UBE2G2: variants seen among roughly 807,000 people sequenced by gnomAD.
UBE2G2 encodes the protein ubiquitin conjugating enzyme E2 G2.
UBE2G2 carries 10 observed loss-of-function variants against 23.0 expected under a neutral mutation model. The ratio of observed to expected loss-of-function variants is 0.43; its 90% CI spans 0.27 to 0.74. The LOEUF is 0.74. UBE2G2 is among the 30% of genes least tolerant of loss of function. The pLI is 0.19. For synonymous variants in UBE2G2, 86 were observed against 81.3 expected, an observed-to-expected ratio of 1.06 and a Z score of -0.31; for missense variants, 150 against 218.3, an observed-to-expected ratio of 0.69 and a Z score of 1.97.
At chr21:44,799,765 T>C (rs1405886528) in intron 1 of UBE2G2, among the ~76,000 whole-genome samples, 1 of 152,250 alleles carries the variant, frequency 6.6e-6, no homozygotes, top group East Asian at 1.9e-4. Flanking sequence ...TTCCTTTGCA[T>C]TCACAACTTG....
At chr21:44,784,694 A>G (rs2082982027) in intron 3 of UBE2G2, among the ~76,000 whole-genome samples, 1 of 152,128 alleles carries the variant, frequency 6.6e-6, no homozygotes, top group Non-Finnish European at 1.5e-5. Flanking sequence ...GCAGCCTGGG[A>G]GCCCTCAAGC....
intron 1 of UBE2G2, among the ~76,000 whole-genome samples, chr21:44,791,092 C>T (rs556145935): frequency 6.6e-6 from 1 of 152,274 alleles, no homozygotes; most frequent in South Asian, 2.1e-4. Context: ...TTTGCCCCTG[C>T]CCTAGAGATC....
chr21:44,783,669 C>A (rs782147594), intron 3 of UBE2G2, among the ~76,000 whole-genome samples: 17 of 152,294 alleles, frequency 1.1e-4, no homozygotes, highest in Middle Eastern at 3.4e-3. Flanking sequence ...AAAGGCAAAT[C>A]TATAGTCAGA....
intron 3 of UBE2G2, among the ~76,000 whole-genome samples, chr21:44,784,131 G>A (rs555797963): frequency 6.6e-6 from 1 of 151,956 alleles, no homozygotes; most frequent in Admixed American, 6.5e-5. Context: ...ACTTCAGCCT[G>A]GGTGACAGAG....
intron 3 of UBE2G2, among the ~76,000 whole-genome samples, chr21:44,784,571 C>T (rs547799070): frequency 2.0e-5 from 3 of 152,202 alleles, no homozygotes; most frequent in Non-Finnish European, 4.4e-5. Flanking sequence ...ATAATACTGC[C>T]AAGAGATGCC....
At position 44,773,574 on chromosome 21, in the gene UBE2G2, G is replaced by A; in HGVS notation, c.358C>T (p.Leu120=). Reference sequence around the variant, plus strand: ...GCCAGCATGCTCACCACCGACAGCAGGATCTTCTCCACACTCTGCACAGGA... The same window carrying A: ...GCCAGCATGCTCACCACCGACAGCAAGATCTTCTCCACACTCTGCACAGGA... ...WSPVQSVEKI[L]LSVVSMLAEP... Residue 120 remains leucine, a synonymous_variant, in exon 5 of 6, where the codon CTG becomes TTG. Coordinates refer to ENST00000345496, the MANE Select transcript of UBE2G2 (RefSeq NM_003343.6). The A allele has an allele frequency of 6.2e-7, 1 of 1,610,606 alleles. No homozygotes were observed. Among genetic ancestry groups the A allele is most frequent in the Non-Finnish European group, 8.5e-7 (1 of 1,179,902 alleles).
intron 4 of UBE2G2, chr21:44,774,764 C>T: frequency 2.2e-6 from 1 of 455,652 alleles, no homozygotes; most frequent in Non-Finnish European, 4.4e-6. Flanking sequence ...TCCACAAAAT[C>T]AGGAAGTTTC....
At chr21:44,790,997 GTGGTC>G (rs1180021101) in intron 1 of UBE2G2, among the ~76,000 whole-genome samples, 2 of 152,158 alleles carry the variant, frequency 1.3e-5, no homozygotes, top group African/African-American at 4.8e-5. Flanking sequence ...CCAGGCTGAG[GTGGTC>G]TGAAAAAGAG....
intron 1 of UBE2G2, among the ~76,000 whole-genome samples, chr21:44,788,856 C>T (rs927603309): frequency 6.7e-6 from 1 of 150,226 alleles, no homozygotes; most frequent in African/African-American, 2.4e-5. Context: ...TTTGAAGAGA[C>T]AGAAAATTAA....
At chr21:44,800,392 A>T (rs920687472) in intron 1 of UBE2G2, 2 of 145,192 alleles carry the variant, frequency 1.4e-5, no homozygotes. Flanking sequence ...TGAAAAAAAT[A>T]ACAATAAAAA....
At chr21:44,779,435 G>C (rs113823719) in intron 3 of UBE2G2, among the ~76,000 whole-genome samples, 2 of 151,676 alleles carry the variant, frequency 1.3e-5, no homozygotes, top group Non-Finnish European at 2.9e-5. Context: ...GAACGCCACC[G>C]AGGGAGGCAC....
intron 1 of UBE2G2, among the ~76,000 whole-genome samples, chr21:44,794,950 G>A (rs1312473300): frequency 1.3e-5 from 2 of 152,164 alleles, no homozygotes; most frequent in East Asian, 1.9e-4. Flanking sequence ...TCAACATCAC[G>A]AGTCTTATGG....
chr21:44,794,525 CCTT>C (rs1361196809), intron 1 of UBE2G2, among the ~76,000 whole-genome samples: 37 of 148,314 alleles, frequency 2.5e-4, no homozygotes, highest in Admixed American at 2.0e-3. Flanking sequence ...TAATAAAAAC[CCTT>C]CTTTTTTTGT....
chr21:44,800,495 T>C (rs1245131524), intron 1 of UBE2G2: 3 of 152,230 alleles, frequency 2.0e-5, no homozygotes, highest in African/African-American at 7.2e-5. Context: ...CTTGAGATGA[T>C]TTAAAAGTTA....
At chr21:44,786,099 C>T (rs559390356) in intron 3 of UBE2G2, among the ~76,000 whole-genome samples, 11 of 151,998 alleles carry the variant, frequency 7.2e-5, no homozygotes, top group East Asian at 1.9e-4. Context: ...ACTGCAGACA[C>T]GACAGGCGCC....
Position 44,769,648 on chromosome 21 carries a change from G to C in UBE2G2, c.*1729C>G, listed in dbSNP as rs2082857300. 1 of 152,258 alleles carries C rather than the reference G, an allele frequency of 6.6e-6. No individual in the cohort carries two copies. The highest frequency in any genetic ancestry group is 1.5e-5 in the Non-Finnish European group (1 of 68,080). 9.4% of individuals were successfully genotyped at this position (152,258 alleles called of 1,614,324 possible). On this transcript the variant is annotated 3_prime_UTR_variant, in exon 6 of 6. Transcript: ENST00000345496. ...CCGCCTCAGTCTCCCAAAGTGCTGG[G>C]ATTGCAGGCGTGAGCCACAGCACCC...
intron 1 of UBE2G2, among the ~76,000 whole-genome samples, chr21:44,795,277 A>T (rs79562066): frequency 0.037 from 5,646 of 152,192 alleles, 195 homozygotes; most frequent in South Asian, 0.16. Context: ...AAAATAAAAA[A>T]AAATAAATAA....
In UBE2G2 at chr21:44,772,077, C is replaced by T. The variant is rs2082878723; in HGVS notation, c.386-588G>A. Among the ~76,000 whole-genome samples the T allele has an allele frequency of 6.6e-6, 1 of 152,176 alleles. No homozygotes were observed. Among genetic ancestry groups the T allele is most frequent in the Non-Finnish European group, 1.5e-5 (1 of 68,026 alleles). Reference sequence around the variant, plus strand: ...GCACGGAGGGAGTAGCCAGGGCCTGCCGGAAGGCAGAACGGAGAGAGACCA... The same window carrying T: ...GCACGGAGGGAGTAGCCAGGGCCTGTCGGAAGGCAGAACGGAGAGAGACCA... On this transcript the variant is annotated intron_variant, in intron 5 of 5. Transcript: ENST00000345496. This position sits in a 1 kb window ranked among gnomAD's most constrained non-coding sequence, Gnocchi z 5.4.
chr21:44,799,956 G>C (rs782758513), intron 1 of UBE2G2: 1 of 152,232 alleles, frequency 6.6e-6, no homozygotes, highest in East Asian at 1.9e-4. Flanking sequence ...AGGGAAGAGA[G>C]AGGCCGGGAG....
Sources: gnomAD v4.1 joint callset for allele counts (sites outside exome capture counted in the v4.1 genomes callset) on GRCh38, gnomAD v4.1.1 for gene constraint, Gnocchi (gnomAD v3.1) non-coding constraint, MANE v1.5 for transcripts, NCBI Gene and HGNC (gene_info 2026-07-23, HGNC 2026-07-21) for gene names.